CAPZB: variants seen among roughly 807,000 people sequenced by gnomAD.
CAPZB encodes capping actin protein of muscle Z-line subunit beta.
CAPZB carries 2 observed loss-of-function variants against 38.1 expected under a neutral mutation model. The ratio of observed to expected loss-of-function variants is 0.05; its 90% CI spans 0.02 to 0.17. CAPZB has a LOEUF of 0.17. Among genes scored for constraint, CAPZB ranks in the 10% least tolerant of loss-of-function variants. The pLI is 1.00. For missense variants in CAPZB, 161 were observed against 334.2 expected, an observed-to-expected ratio of 0.48 and a Z score of 4.04; for synonymous variants, 107 against 127.4, an observed-to-expected ratio of 0.84 and a Z score of 1.08.
rs1363547016 is a variant in CAPZB at position 19,345,042 on chromosome 1, C to T, written c.654+145G>A. ...AATCAGAGGCTCCAAAAATATGAGG[C>T]CAGGGCAAAATCCAAGAAGCGCTCT... On this transcript the variant is annotated intron_variant, in intron 7 of 8. Coordinates refer to ENST00000264202, the MANE Select transcript of CAPZB (RefSeq NM_004930.5). 13 of 687,184 alleles carry T rather than the reference C, an allele frequency of 1.9e-5. 1 individual carries two copies. In the African/African-American group the frequency reaches 2.3e-4, roughly 12 times the overall value. The allele number at this position is 687,184 out of a possible 1,614,324, so 42.6% of individuals were successfully genotyped here.
At chr1:19,353,651 G>C (rs127037) in intron 6 of CAPZB, among the ~76,000 whole-genome samples, 117,341 of 152,126 alleles carry the variant, frequency 0.77, 45,468 homozygotes, top group African/African-American at 0.81. Flanking sequence ...CCCCCAAGCC[G>C]ACTGGCAGAG....
chr1:19,393,046 T>C (rs984409949), intron 2 of CAPZB, among the ~76,000 whole-genome samples: 10 of 152,040 alleles, frequency 6.6e-5, no homozygotes, highest in African/African-American at 2.2e-4. Context: ...CTACTTAGTG[T>C]AGAGAAAACA....
At chr1:19,434,553 T>TTC (rs2094452052) in intron 1 of CAPZB, among the ~76,000 whole-genome samples, 1 of 150,430 alleles carries the variant, frequency 6.6e-6, no homozygotes, top group African/African-American at 2.4e-5. Context: ...AGTAAGCCTT[T>TTC]TTTTTTTTTA....
Position 19,376,915 on chromosome 1 carries a change from A to G in CAPZB, c.329+1625T>C, listed in dbSNP as rs374286162. Reference sequence around the variant, plus strand: ...CTAGCTCTGTGAACCTGGGTAAGTTATATCACCTTTCTGATCTGTCAGCTC... The same window carrying G: ...CTAGCTCTGTGAACCTGGGTAAGTTGTATCACCTTTCTGATCTGTCAGCTC... On this transcript the variant is annotated intron_variant, in intron 4 of 8. Coordinates refer to ENST00000264202, the MANE Select transcript of CAPZB (RefSeq NM_004930.5). Among the ~76,000 whole-genome samples, 19 of 152,298 alleles carry G rather than the reference A, an allele frequency of 1.2e-4. 1 individual carries two copies. The highest frequency in any genetic ancestry group is 1.7e-4 in the African/African-American group (7 of 41,556).
intron 1 of CAPZB, chr1:19,448,735 A>T: frequency 7.0e-7 from 1 of 1,424,618 alleles, no homozygotes; most frequent in Non-Finnish European, 9.7e-7. Context: ...CAGCTTTGCT[A>T]TTTACTTCTC....
rs1190425212 is a variant in CAPZB at position 19,356,618 on chromosome 1, T to C, written c.588+17A>G. ...ACCTGTGGGCACTGGCAAGTGGCTA[T>C]GAGCGGGTAACTCTACCTGTCTGGT... On this transcript the variant is annotated intron_variant, in intron 6 of 8. Coordinates refer to ENST00000264202, the MANE Select transcript of CAPZB (RefSeq NM_004930.5). The surrounding 1 kb of genome is among the most constrained non-coding windows in gnomAD (Gnocchi z 4.3). The C allele has an allele frequency of 1.3e-6, 2 of 1,568,254 alleles. No homozygotes were observed. The highest frequency in any genetic ancestry group is 1.8e-6 in the Non-Finnish European group (2 of 1,138,016).
chr1:19,473,997 C>T (rs1247936008), intron 1 of CAPZB, among the ~76,000 whole-genome samples: 2 of 151,690 alleles, frequency 1.3e-5, no homozygotes, highest in African/African-American at 2.4e-5. Context: ...ATTTTATGTA[C>T]ATTCTTTTTT....
At chr1:19,366,832 C>G (rs2094091113) in intron 4 of CAPZB, among the ~76,000 whole-genome samples, 1 of 152,122 alleles carries the variant, frequency 6.6e-6, no homozygotes, top group Admixed American at 6.5e-5. Context: ...TTTTTGTTCC[C>G]TCCTAGGGTA....
intron 1 of CAPZB, among the ~76,000 whole-genome samples, chr1:19,459,013 C>T (rs1225045347): frequency 6.6e-6 from 1 of 152,224 alleles, no homozygotes; most frequent in African/African-American, 2.4e-5. Context: ...AGTCTGTTGG[C>T]AGGAGACCGT....
chr1:19,355,961 A>G (rs922360236), intron 6 of CAPZB, among the ~76,000 whole-genome samples: 2 of 152,180 alleles, frequency 1.3e-5, no homozygotes, highest in Non-Finnish European at 2.9e-5. Flanking sequence ...GGGAGGCAGT[A>G]CCTTCCAGTC....
chr1:19,449,135 C>G, intron 1 of CAPZB: 1 of 1,397,512 alleles, frequency 7.2e-7, no homozygotes, highest in Non-Finnish European at 9.3e-7. Flanking sequence ...AACTCCTGAC[C>G]GTAGAGTCTC....
chr1:19,482,077 C>T (rs1187257578), intron 1 of CAPZB, among the ~76,000 whole-genome samples: 4 of 152,216 alleles, frequency 2.6e-5, no homozygotes, highest in Admixed American at 6.5e-5. Context: ...AGGCTTCTAA[C>T]GGGCGAGGCA....
intron 2 of CAPZB, among the ~76,000 whole-genome samples, chr1:19,386,248 C>T (rs772220271): frequency 6.6e-6 from 1 of 152,196 alleles, no homozygotes; most frequent in Admixed American, 6.5e-5. Flanking sequence ...GATGACCCCG[C>T]GGTCGGGGGC....
intron 2 of CAPZB, among the ~76,000 whole-genome samples, chr1:19,396,824 G>T (rs2094273068): frequency 1.3e-5 from 2 of 151,144 alleles, no homozygotes; most frequent in Non-Finnish European, 2.9e-5. Flanking sequence ...ACTGTGGCGA[G>T]CACCTGTAAT....
chr1:19,339,132 A>C lies in CAPZB; in HGVS notation c.*398T>G. On this transcript the variant is annotated 3_prime_UTR_variant, in exon 9 of 9. Coordinates refer to ENST00000264202, the MANE Select transcript of CAPZB (RefSeq NM_004930.5). The stretch of plus-strand genomic sequence containing the variant: ...ATTTCCAGTTTTTCTTCTCTCTTTC[A>C]CACACCACAGTTAGTTCATAAAATT... The C allele has an allele frequency of 1.1e-5, 2 of 176,984 alleles. No individual in the cohort carries two copies. Among genetic ancestry groups the C allele is most frequent in the Non-Finnish European group, 2.4e-5 (2 of 84,902 alleles). 11.0% of individuals were successfully genotyped at this position (176,984 alleles called of 1,614,324 possible). A position where few individuals can be genotyped will look rare whatever the true frequency, so the allele number is the denominator to read the frequency against.
At chr1:19,419,319 G>GC (rs1295802744) in intron 2 of CAPZB, among the ~76,000 whole-genome samples, 12 of 152,188 alleles carry the variant, frequency 7.9e-5, no homozygotes, top group Non-Finnish European at 1.8e-4. Flanking sequence ...CGTCTGGCCT[G>GC]CGTGCACTGC....
At chr1:19,355,358 G>A (rs900680038) in intron 6 of CAPZB, among the ~76,000 whole-genome samples, 3 of 152,072 alleles carry the variant, frequency 2.0e-5, no homozygotes, top group Non-Finnish European at 2.9e-5. Flanking sequence ...AGCTGGGCGT[G>A]GTGGTGCACG....
intron 2 of CAPZB, among the ~76,000 whole-genome samples, chr1:19,405,411 C>T (rs2094326028): frequency 6.6e-6 from 1 of 151,886 alleles, no homozygotes; most frequent in African/African-American, 2.4e-5. Context: ...CTACAGGCAG[C>T]GTTTGGGACT....
intron 1 of CAPZB, chr1:19,484,545 T>C (rs2094643894): frequency 2.3e-6 from 3 of 1,294,638 alleles, no homozygotes; most frequent in Non-Finnish European, 3.0e-6. Flanking sequence ...CGCTGGCTCC[T>C]AGGCGGCCTC....
Sources: allele counts gnomAD v4.1 joint callset (sites outside exome capture counted in the v4.1 genomes callset), GRCh38; gene constraint gnomAD v4.1.1; non-coding constraint Gnocchi (gnomAD v3.1); transcripts MANE v1.5; gene names NCBI Gene and HGNC (gene_info 2026-07-23, HGNC 2026-07-21).